The following RUNDC1 variants were observed in gnomAD, a reference collection of about 807,000 sequenced individuals.
RUNDC1 encodes RUN domain containing 1.
A neutral mutation model predicts 49.3 loss-of-function variants in RUNDC1; 31 were observed. That is an observed-to-expected ratio of 0.63 (90% CI 0.47 to 0.85). RUNDC1 has a LOEUF of 0.85. Among genes scored for constraint, RUNDC1 ranks in the 40% least tolerant of loss-of-function variants. The pLI, the probability that RUNDC1 is intolerant of heterozygous loss-of-function variation, is 0.00. For missense variants in RUNDC1, 715 were observed against 806.7 expected (o/e 0.89, Z 1.38); for synonymous variants, 347 against 348.6 (o/e 1.00, Z 0.05).
intron 1 of RUNDC1, among the ~76,000 whole-genome samples, chr17:42,986,339 A>C (rs1174893643): frequency 5.9e-5 from 9 of 151,796 alleles, no homozygotes; most frequent in Admixed American, 5.2e-4. Context: ...GTGGTCTCGA[A>C]CTCCTGGGCT....
chr17:42,980,681 C>G lies in RUNDC1; in HGVS notation c.105C>G (p.Cys35Trp). Residue 35 changes from cysteine to tryptophan, a missense_variant, in exon 1 of 5, where the codon TGC becomes TGG. Physicochemically the swap from Cys to Trp is radical, Grantham distance 215 (BLOSUM62 -2). Coordinates refer to ENST00000361677, the MANE Select transcript of RUNDC1 (RefSeq NM_173079.5). ...AGGAAGAGGAGCCGCTGCCACCGTG[C>G]GAGGCGGTGCGCTGGGCCCCAGTGG... ...EEEEEEPLPP[C>W]EAVRWAPVGA... 1 of 1,573,332 alleles carries G rather than the reference C, an allele frequency of 6.4e-7. No homozygotes were observed. The highest frequency in any genetic ancestry group is 8.6e-7 in the Non-Finnish European group (1 of 1,162,730).
At chr17:42,987,753 T>C (rs1567731218) in intron 2 of RUNDC1, among the ~76,000 whole-genome samples, 1 of 152,194 alleles carries the variant, frequency 6.6e-6, no homozygotes, top group Non-Finnish European at 1.5e-5. Context: ...TTTTTTGTTT[T>C]GTTTTATTTT....
rs1213640174 is a variant in RUNDC1, at chr17:42,995,050, C to T, written c.*3334C>T. Among the ~76,000 whole-genome samples, 2 of 152,188 alleles carry T rather than the reference C, an allele frequency of 1.3e-5. No individual in the cohort carries two copies. The highest frequency in any genetic ancestry group is 4.8e-5 in the African/African-American group (2 of 41,448). The stretch of plus-strand genomic sequence containing the variant: ...CTAAAGAAAGAGAAAAGTAAACCTA[C>T]CCCGTGCCCTCAACAAACACAGTCT... On this transcript the variant is annotated 3_prime_UTR_variant, in exon 5 of 5. Transcript: ENST00000361677.
At chr17:42,987,967 G>A (rs2050191713) in intron 2 of RUNDC1, among the ~76,000 whole-genome samples, 1 of 152,234 alleles carries the variant, frequency 6.6e-6, no homozygotes, top group African/African-American at 2.4e-5. Context: ...GGTCAGGCTG[G>A]TCTCGAACTC....
Position 42,989,493 on chromosome 17 carries a change from G to C in RUNDC1, c.810G>C (p.Leu270=), listed in dbSNP as rs765079678. The change falls in exon 3 of 5, where the codon CTG becomes CTC. Residue 270 remains leucine (L), a synonymous_variant. Coordinates refer to ENST00000361677, the MANE Select transcript of RUNDC1 (RefSeq NM_173079.5). ...ARVKEQLVEQ[L]KTQIRDLEMF... is the part of the protein sequence containing the mutation. ...TCAAAGAACAGTTGGTTGAGCAACT[G>C]AAAACTCAGATCCGAGACCTTGAGA... The C allele has an allele frequency of 2.5e-6, 4 of 1,614,196 alleles. No homozygotes were observed. Among genetic ancestry groups the C allele is most frequent in the Non-Finnish European group, 3.4e-6 (4 of 1,180,036 alleles).
chr17:42,991,796 C>T lies in RUNDC1; in HGVS notation c.*80C>T, dbSNP rs533614478. The T allele has an allele frequency of 6.8e-7, 1 of 1,460,604 alleles. No homozygotes were observed. Among genetic ancestry groups the T allele is most frequent in the Admixed American group, 2.1e-5 (1 of 48,116 alleles). 90.5% of individuals were successfully genotyped at this position (1,460,604 alleles called of 1,614,324 possible). A position where few individuals can be genotyped will look rare whatever the true frequency, so the allele number is the denominator to read the frequency against. ...GTCTTCTAGCATAGGAGCAAGGAAT[C>T]AGAGGTGGGGTTAAAGGCATTTTTC... On this transcript the variant is annotated 3_prime_UTR_variant, in exon 5 of 5. Coordinates refer to ENST00000361677, the MANE Select transcript of RUNDC1 (RefSeq NM_173079.5).
At position 42,991,610 on chromosome 17, in the gene RUNDC1, G is replaced by A; in HGVS notation, c.1736G>A (p.Gly579Asp). The A allele has an allele frequency of 6.2e-7, 1 of 1,614,116 alleles. No homozygotes were observed. Among genetic ancestry groups the A allele is most frequent in the Non-Finnish European group, 8.5e-7 (1 of 1,180,014 alleles). The stretch of plus-strand genomic sequence containing the variant: ...CCCTGGAGCTACATGGCACACACAG[G>A]CTTTGAGAGTGCCCTCAACCTGCTC... ...YQPWSYMAHT[G>D]FESALNLLSR... The change falls in exon 5 of 5, where the codon GGC becomes GAC. Residue 579 changes from glycine to aspartate, a missense_variant. This residue lies in a region of RUNDC1 where 425 missense variants were observed against 499.7 expected (regional missense o/e 0.85). Transcript: ENST00000361677.
intron 1 of RUNDC1, chr17:42,985,777 G>A: frequency 2.8e-6 from 2 of 706,342 alleles, no homozygotes; most frequent in Non-Finnish European, 3.5e-6. Flanking sequence ...GAAAGACAAG[G>A]AAGAACCAGT....
Position 42,992,994 on chromosome 17 carries a change from G to GTAAA in RUNDC1, c.*1281_*1284dup, listed in dbSNP as rs1377894860. On this transcript the variant is annotated 3_prime_UTR_variant, in exon 5 of 5. Transcript: ENST00000361677. ...AACAAGACTAACAGTCTTTTTAGAA[G>GTAAA]TAAATATATTCAAGACAAACGAGAA... 1 of 152,182 alleles carries GTAAA rather than the reference G, an allele frequency of 6.6e-6. No homozygotes were observed. The highest frequency in any genetic ancestry group is 1.5e-5 in the Non-Finnish European group (1 of 68,036). The allele number at this position is 152,182 out of a possible 1,614,324, so 9.4% of individuals were successfully genotyped here.
intron 1 of RUNDC1, among the ~76,000 whole-genome samples, chr17:42,983,324 C>T (rs1233668417): frequency 2.7e-5 from 4 of 148,214 alleles, no homozygotes; most frequent in African/African-American, 9.9e-5. Context: ...TAGGGAATAT[C>T]ATTGAACTGA....
chr17:42,987,423 AC>A lies in RUNDC1; in HGVS notation c.657+13del. 6.2e-7 allele frequency: 1 copy of A among 1,613,528 alleles called. No individual in the cohort carries two copies. Among genetic ancestry groups the A allele is most frequent in the Non-Finnish European group, 8.5e-7 (1 of 1,179,576 alleles). On this transcript the variant is annotated intron_variant, in intron 2 of 4. Coordinates refer to ENST00000361677, the MANE Select transcript of RUNDC1 (RefSeq NM_173079.5). ...TGTTGGAAAGACAGCGGGTGAGCAG[AC>A]CCCAGAGGAACCTCCACCACTGCCC...
At chr17:42,983,375 CTTTT>C (rs1179147349) in intron 1 of RUNDC1, among the ~76,000 whole-genome samples, 1 of 129,548 alleles carries the variant, frequency 7.7e-6, no homozygotes, top group Non-Finnish European at 1.6e-5. Flanking sequence ...TTTCTTTTTC[CTTTT>C]TTTTTTTTTT....
Position 42,991,320 on chromosome 17 carries a change from T to C in RUNDC1, c.1446T>C (p.Ala482=). 2 of 1,614,184 alleles carry C rather than the reference T, an allele frequency of 1.2e-6. No homozygotes were observed. The highest frequency in any genetic ancestry group is 1.7e-6 in the Non-Finnish European group (2 of 1,180,038). The part of the protein sequence containing the change: ...PWELFVKYYH[A]KNGRAYVESP... ...AGCTCTTTGTAAAGTACTACCATGC[T>C]AAGAACGGCCGTGCTTATGTGGAAT... The change falls in exon 5 of 5, where the codon GCT becomes GCC. Residue 482 remains alanine (A), a synonymous_variant. Transcript: ENST00000361677.
At position 42,991,736 on chromosome 17, in the gene RUNDC1, G is replaced by C. The variant is rs1228449914; in HGVS notation, c.*20G>C. The C allele has an allele frequency of 6.3e-7, 1 of 1,594,744 alleles. No homozygotes were observed. Among genetic ancestry groups the C allele is most frequent in the East Asian group, 2.2e-5 (1 of 44,792 alleles). On this transcript the variant is annotated 3_prime_UTR_variant, in exon 5 of 5. Coordinates refer to ENST00000361677, the MANE Select transcript of RUNDC1 (RefSeq NM_173079.5). ...TTTTGATGAGAGTGCCCTAACCCCA[G>C]ACAAGCTCCTTGTTCAGTAGGGATA...
At chr17:42,989,810 T>C (rs2050215336) in intron 3 of RUNDC1, among the ~76,000 whole-genome samples, 1 of 151,966 alleles carries the variant, frequency 6.6e-6, no homozygotes, top group African/African-American at 2.4e-5. Flanking sequence ...AATTTTTGTA[T>C]TTTTAGTAGA....
chr17:42,983,779 C>G (rs2050134187), intron 1 of RUNDC1, among the ~76,000 whole-genome samples: 1 of 151,972 alleles, frequency 6.6e-6, no homozygotes, highest in Non-Finnish European at 1.5e-5. Flanking sequence ...TCAAGCGATT[C>G]TCCTGCCTCA....
intron 3 of RUNDC1, among the ~76,000 whole-genome samples, 181 bp downstream of exon 3, chr17:42,989,720 C>T (rs777297177): frequency 3.9e-5 from 6 of 152,054 alleles, no homozygotes; most frequent in Non-Finnish European, 8.8e-5. Flanking sequence ...CTGCAACCGC[C>T]GCCTCCCAGA....
chr17:42,982,771 C>G (rs1174818035), intron 1 of RUNDC1, among the ~76,000 whole-genome samples: 1 of 147,950 alleles, frequency 6.8e-6, no homozygotes, highest in Non-Finnish European at 1.5e-5. Context: ...GTTGGGAGTT[C>G]GAGACCAGCC....
In RUNDC1 at chr17:42,980,848, A is replaced by C; in HGVS notation, c.272A>C (p.Asp91Ala). The C allele has an allele frequency of 7.1e-7, 1 of 1,405,532 alleles. No homozygotes were observed. Among genetic ancestry groups the C allele is most frequent in the Non-Finnish European group, 9.2e-7 (1 of 1,089,426 alleles). 87.1% of individuals were successfully genotyped at this position (1,405,532 alleles called of 1,614,324 possible). ...RRLRAERRRL[D>A]SALLALSSHF... ...CTGCGGGCAGAGCGGCGGCGGCTGGACTCGGCGCTGCTGGCGCTGTCCTCG... is the reference window on the plus strand; with the variant it reads ...CTGCGGGCAGAGCGGCGGCGGCTGGCCTCGGCGCTGCTGGCGCTGTCCTCG... Residue 91 changes from aspartate (D) to alanine (A), a missense_variant, in exon 1 of 5, where the codon GAC (aspartate) becomes GCC (alanine). By Grantham distance (126) the Asp-to-Ala change is moderately radical (BLOSUM62 -2). Coordinates refer to ENST00000361677, the MANE Select transcript of RUNDC1 (RefSeq NM_173079.5).
Sources: gnomAD v4.1 joint callset for allele counts (sites outside exome capture counted in the v4.1 genomes callset) on GRCh38, gnomAD v4.1.1 for gene constraint, gnomAD v4.1.1 regional missense constraint, MANE v1.5 for transcripts, NCBI Gene and HGNC (gene_info 2026-07-23, HGNC 2026-07-21) for gene names.